Variants in ARMC9 observed in about 807,000 individuals in gnomAD.
ARMC9 encodes armadillo repeat containing 9.
Under a neutral mutation model 107.0 loss-of-function variants are expected in ARMC9, and 94 were observed. The ratio of observed to expected loss-of-function variants is 0.88; its 90% CI spans 0.74 to 1.04. The LOEUF (loss-of-function observed/expected upper bound fraction) is 1.04. ARMC9 is among the 50% of genes least tolerant of loss of function. ARMC9 has a pLI of 0.00. For missense variants in ARMC9, 942 were observed against 1,030.1 expected (o/e 0.91, Z 1.17); for synonymous variants, 380 against 396.9 (o/e 0.96, Z 0.51).
chr2:231,356,508 G>A (rs1291160386), intron 22 of ARMC9, among the ~76,000 whole-genome samples: 4 of 152,154 alleles, frequency 2.6e-5, no homozygotes, highest in Middle Eastern at 6.3e-3. Context: ...AGGATTATGA[G>A]CAGTTCAGAT....
At chr2:231,269,268 G>GA (rs1352876648) in intron 12 of ARMC9, among the ~76,000 whole-genome samples, 1 of 151,872 alleles carries the variant, frequency 6.6e-6, no homozygotes, top group African/African-American at 2.4e-5. Flanking sequence ...TTATTTTGTT[G>GA]ATGGTTTCTT....
At chr2:231,224,240 A>G (rs1043267445) in intron 6 of ARMC9, among the ~76,000 whole-genome samples, 3 of 152,254 alleles carry the variant, frequency 2.0e-5, no homozygotes, top group African/African-American at 7.2e-5. Context: ...TGAGCCCAGG[A>G]GTTTGAGCCC....
intron 21 of ARMC9, among the ~76,000 whole-genome samples, chr2:231,347,754 C>G (rs552650469): frequency 1.1e-4 from 16 of 152,312 alleles, no homozygotes; most frequent in African/African-American, 3.9e-4. Context: ...ACACATTGTC[C>G]AGTTGCCTGT....
At chr2:231,289,463 T>TCTCA (rs368250497) in intron 17 of ARMC9, among the ~76,000 whole-genome samples, 3 of 152,324 alleles carry the variant, frequency 2.0e-5, no homozygotes, top group African/African-American at 4.8e-5. Flanking sequence ...CAAGACTCCA[T>TCTCA]CTCAAAAAAT....
In ARMC9 at chr2:231,297,355, C is replaced by T. The variant is rs911882429; in HGVS notation, c.1773+1102C>T. On this transcript the variant is annotated intron_variant, in intron 19 of 24. Coordinates refer to ENST00000611582, the MANE Select transcript of ARMC9 (RefSeq NM_001352754.2). The surrounding 1 kb of genome is among the most constrained non-coding windows in gnomAD (Gnocchi z 4.2). ...ACAAAGGTGGAGGCAGAGGGAAAAA[C>T]ACCAGCTTGAGCTCACACAGAGAGT... Among the ~76,000 whole-genome samples the T allele has an allele frequency of 3.3e-5, 5 of 152,154 alleles. No individual in the cohort carries two copies. Among genetic ancestry groups the T allele is most frequent in the Non-Finnish European group, 7.3e-5 (5 of 68,032 alleles).
chr2:231,272,417 A>G (rs779141059), intron 13 of ARMC9, among the ~76,000 whole-genome samples: 18 of 151,848 alleles, frequency 1.2e-4, no homozygotes, highest in Admixed American at 5.2e-4. Context: ...CTGGTCTCCA[A>G]CGCCTCGGCT....
intron 11 of ARMC9, among the ~76,000 whole-genome samples, chr2:231,260,118 C>A (rs1173082152): frequency 6.6e-6 from 1 of 152,202 alleles, no homozygotes; most frequent in African/African-American, 2.4e-5. Context: ...ACTTTCCAAA[C>A]AACAATAAAA....
intron 20 of ARMC9, among the ~76,000 whole-genome samples, chr2:231,344,744 CTTTGT>C: frequency 6.6e-6 from 1 of 152,216 alleles, no homozygotes; most frequent in Non-Finnish European, 1.5e-5. Flanking sequence ...TAGGGTTTGA[CTTTGT>C]TTTAATTTAT....
intron 18 of ARMC9, among the ~76,000 whole-genome samples, chr2:231,292,977 C>T (rs914210897): frequency 2.6e-5 from 4 of 152,170 alleles, no homozygotes; most frequent in African/African-American, 9.7e-5. Flanking sequence ...GTTGGGGTCT[C>T]ATGTGCAGCC....
In ARMC9 at chr2:231,331,871, A is replaced by G. The variant is rs1453510852; in HGVS notation, c.1852A>G (p.Lys618Glu). 6.2e-7 allele frequency: 1 copy of G among 1,613,734 alleles called. No homozygotes were observed. Among genetic ancestry groups the G allele is most frequent in the East Asian group, 2.2e-5 (1 of 44,892 alleles). The change falls in exon 20 of 25, where the codon AAG becomes GAG. Residue 618 changes from lysine (K) to glutamate (E), a missense_variant. Physicochemically the swap from Lys to Glu is moderately conservative, Grantham distance 56. Coordinates refer to ENST00000611582, the MANE Select transcript of ARMC9 (RefSeq NM_001352754.2). Reference sequence around the variant, plus strand: ...CCAGCTCGGAGAACTCTCAGGAGAGAAGCTTCTGACCACGGAGTACCTGGG... The same window carrying G: ...CCAGCTCGGAGAACTCTCAGGAGAGGAGCTTCTGACCACGGAGTACCTGGG... Reference protein sequence around the residue: ...QPQLGELSGEKLLTTEYLGIM... With the variant: ...QPQLGELSGEELLTTEYLGIM...
At chr2:231,273,243 C>A (rs1186093365) in intron 14 of ARMC9, among the ~76,000 whole-genome samples, 165 bp downstream of exon 14, 1 of 152,220 alleles carries the variant, frequency 6.6e-6, no homozygotes, top group Non-Finnish European at 1.5e-5. Flanking sequence ...ACTAAACTAT[C>A]CTGCGCAAGG....
intron 21 of ARMC9, among the ~76,000 whole-genome samples, chr2:231,354,519 C>CT (rs1454317524): frequency 7.9e-5 from 12 of 151,732 alleles, no homozygotes; most frequent in African/African-American, 2.9e-4. Flanking sequence ...GTAGCTGGGA[C>CT]TACAGGCATA....
At chr2:231,334,675 C>T (rs1416247442) in intron 20 of ARMC9, among the ~76,000 whole-genome samples, 2 of 152,072 alleles carry the variant, frequency 1.3e-5, no homozygotes, top group South Asian at 2.1e-4. Context: ...GAGCAGTAAG[C>T]GCTGAGGCCG....
chr2:231,331,355 TGA>T (rs1039021679), intron 19 of ARMC9, among the ~76,000 whole-genome samples: 6 of 152,216 alleles, frequency 3.9e-5, no homozygotes, highest in Non-Finnish European at 7.3e-5. Context: ...CCCTTTTTGC[TGA>T]GTCTTGTTAC....
intron 7 of ARMC9, among the ~76,000 whole-genome samples, chr2:231,228,121 C>T (rs930441576): frequency 8.5e-4 from 130 of 152,340 alleles, no homozygotes; most frequent in African/African-American, 3.0e-3. Context: ...CGGTGCGTCC[C>T]GGGCCAGTTT....
chr2:231,331,319 G>C (rs1019826197), intron 19 of ARMC9, among the ~76,000 whole-genome samples: 1 of 152,174 alleles, frequency 6.6e-6, no homozygotes, highest in Non-Finnish European at 1.5e-5. Context: ...CATCCACTGG[G>C]TCTTCCCAGA....
intron 9 of ARMC9, among the ~76,000 whole-genome samples, chr2:231,249,339 C>T (rs1412833336): frequency 6.6e-6 from 1 of 152,120 alleles, no homozygotes; most frequent in Non-Finnish European, 1.5e-5. Context: ...CGAGAAGTCC[C>T]GCGGGAGAAC....
At chr2:231,281,941 G>C in intron 16 of ARMC9, 118 bp from the exon 17 acceptor site, 1 of 907,430 alleles carries the variant, frequency 1.1e-6, no homozygotes, top group Non-Finnish European at 1.8e-6. Flanking sequence ...GGAGAGCTGC[G>C]AGGACGGGAA....
rs1243924349 is a variant in ARMC9, at chr2:231,362,533, C to G, written c.2261+1650C>G. Among the ~76,000 whole-genome samples the G allele has an allele frequency of 1.3e-5, 2 of 151,960 alleles. No individual in the cohort carries two copies. The highest frequency in any genetic ancestry group is 2.9e-5 in the Non-Finnish European group (2 of 67,996). The stretch of plus-strand genomic sequence containing the variant: ...GCCTAGCTGGCCCCCCAAGATTCTA[C>G]TGAGCACAAAGACCCCTCAGGGTCC... On this transcript the variant is annotated intron_variant, in intron 23 of 24. Coordinates refer to ENST00000611582, the MANE Select transcript of ARMC9 (RefSeq NM_001352754.2). The surrounding 1 kb of genome is among the most constrained non-coding windows in gnomAD (Gnocchi z 4.7).
Sources: gnomAD v4.1 joint callset for allele counts (sites outside exome capture counted in the v4.1 genomes callset) on GRCh38, gnomAD v4.1.1 for gene constraint, Gnocchi (gnomAD v3.1) non-coding constraint, MANE v1.5 for transcripts, NCBI Gene and HGNC (gene_info 2026-07-23, HGNC 2026-07-21) for gene names.